Variants in ITGA9 observed in about 807,000 individuals in gnomAD.
The protein encoded by ITGA9 is integrin alpha-9.
In ITGA9, 56 loss-of-function variants were observed where a neutral mutation model predicts 127.8. The ratio of observed to expected loss-of-function variants is 0.44; its 90% confidence interval spans 0.35 to 0.55. The LOEUF (loss-of-function observed/expected upper bound fraction) is 0.55. Among genes scored for constraint, ITGA9 ranks in the 20% least tolerant of loss-of-function variants. The pLI, the probability that ITGA9 is intolerant of heterozygous loss-of-function variation, is 0.00. For missense variants in ITGA9, 1,196 were observed against 1,347.1 expected, an observed-to-expected ratio of 0.89 and a Z score of 1.76; for synonymous variants, 508 against 514.5, an observed-to-expected ratio of 0.99 and a Z score of 0.17.
intron 16 of ITGA9, among the ~76,000 whole-genome samples, chr3:37,652,878 T>C (rs1700442698): frequency 6.6e-6 from 1 of 152,054 alleles, no homozygotes; most frequent in African/African-American, 2.4e-5. Context: ...GTCAGAGAGG[T>C]TGAGACAGAT....
intron 18 of ITGA9, among the ~76,000 whole-genome samples, chr3:37,692,628 A>AT (rs896639018): frequency 2.5e-4 from 37 of 150,080 alleles, no homozygotes; most frequent in Middle Eastern, 3.4e-3. Context: ...ATGCTTGTTG[A>AT]TTTTTTTTTT....
chr3:37,482,930 T>C (rs1290281495), intron 4 of ITGA9, among the ~76,000 whole-genome samples: 1 of 152,146 alleles, frequency 6.6e-6, no homozygotes, highest in Non-Finnish European at 1.5e-5. Flanking sequence ...TAGAGGATGA[T>C]ATAATCAATC....
rs530847422 is a variant in ITGA9, at chr3:37,739,746, G to A, written c.2235-1984G>A. Among the ~76,000 whole-genome samples, 4 of 152,248 alleles carry A rather than the reference G, an allele frequency of 2.6e-5. No individual in the cohort carries two copies. In the East Asian group the frequency reaches 5.8e-4, roughly 22 times the overall value. ...TTAGCTCATTCTGGAGCAGTCACAC[G>A]ATGACAGATGAGACGGTTGGGCCTG... On this transcript the variant is annotated intron_variant, in intron 20 of 27. Transcript: ENST00000264741.
At chr3:37,686,824 C>G (rs1229541385) in intron 18 of ITGA9, among the ~76,000 whole-genome samples, 1 of 152,096 alleles carries the variant, frequency 6.6e-6, no homozygotes. Flanking sequence ...GAAACAGAAA[C>G]TACCCTTCCA....
intron 15 of ITGA9, among the ~76,000 whole-genome samples, chr3:37,624,199 CCT>C (rs1491114485): frequency 4.2e-5 from 4 of 94,206 alleles, no homozygotes; most frequent in Non-Finnish European, 8.3e-5. Flanking sequence ...GAAAAAAAAC[CCT>C]TTTTTTTTTT....
chr3:37,719,899 A>C lies in ITGA9; in HGVS notation c.2068-12813A>C, dbSNP rs184448242. On this transcript the variant is annotated intron_variant, in intron 18 of 27. Coordinates refer to ENST00000264741, the MANE Select transcript of ITGA9 (RefSeq NM_002207.3). ...TTCAGTTCCAGAAAAGTGTATACTC[A>C]CACAGGAAATATCTCTCAAATAACA... is the stretch of plus-strand genomic sequence containing the variant. Among the ~76,000 whole-genome samples, 724 of 152,292 alleles carry C rather than the reference A, an allele frequency of 4.8e-3. 9 individuals carry two copies. The highest frequency in any genetic ancestry group is 0.029 in the South Asian group (142 of 4,822).
intron 18 of ITGA9, among the ~76,000 whole-genome samples, chr3:37,688,614 G>T (rs1014625715): frequency 1.3e-5 from 2 of 152,030 alleles, no homozygotes; most frequent in Admixed American, 6.5e-5. Flanking sequence ...TTTCTCCCCA[G>T]ACCCCTGGCT....
chr3:37,621,155 T>C (rs1700124591), intron 15 of ITGA9, among the ~76,000 whole-genome samples: 1 of 151,752 alleles, frequency 6.6e-6, no homozygotes, highest in South Asian at 2.1e-4. Context: ...AAGGGGAAAC[T>C]CCTTTCACTT....
intron 1 of ITGA9, among the ~76,000 whole-genome samples, chr3:37,463,821 A>G (rs760026436): frequency 6.6e-6 from 1 of 152,204 alleles, no homozygotes; most frequent in Non-Finnish European, 1.5e-5. Context: ...ATTCCTGCCC[A>G]GCGCACCAGA....
chr3:37,698,358 A>T (rs1406140707), intron 18 of ITGA9, among the ~76,000 whole-genome samples: 2 of 152,136 alleles, frequency 1.3e-5, no homozygotes, highest in African/African-American at 4.8e-5. Flanking sequence ...CCATTTGTCA[A>T]TTTTGGCTTT....
chr3:37,560,991 G>A (rs1037233543), intron 15 of ITGA9, among the ~76,000 whole-genome samples: 13 of 152,064 alleles, frequency 8.5e-5, no homozygotes, highest in Non-Finnish European at 1.9e-4. Context: ...TGGGGTTTCT[G>A]TGTGTCCACA....
chr3:37,817,695 G>A (rs986209242), intron 27 of ITGA9, among the ~76,000 whole-genome samples: 3 of 152,162 alleles, frequency 2.0e-5, no homozygotes, highest in African/African-American at 4.8e-5. Flanking sequence ...GAGAGATGCC[G>A]AGTCTCTCAG....
chr3:37,673,163 C>T (rs535072164), intron 17 of ITGA9, among the ~76,000 whole-genome samples: 3 of 152,272 alleles, frequency 2.0e-5, no homozygotes, highest in South Asian at 4.2e-4. Flanking sequence ...AGAGAAATCT[C>T]GGAGCTTTCA....
Position 37,505,379 on chromosome 3 carries a change from A to G in ITGA9, c.743-621A>G, listed in dbSNP as rs9857042. Among the ~76,000 whole-genome samples the G allele has an allele frequency of 5.4e-3, 825 of 152,366 alleles. 6 individuals carry two copies. The highest frequency in any genetic ancestry group is 0.019 in the African/African-American group (786 of 41,580). The stretch of plus-strand genomic sequence containing the variant: ...CAGCCTGGAAACAACCTAAATGCCC[A>G]GCAACAGAATAAACATATGACATAT... On this transcript the variant is annotated intron_variant, in intron 6 of 27. Transcript: ENST00000264741.
intron 3 of ITGA9, among the ~76,000 whole-genome samples, chr3:37,475,608 T>C (rs990421962): frequency 1.3e-5 from 2 of 152,238 alleles, no homozygotes; most frequent in African/African-American, 4.8e-5. Context: ...ATTTTTTTAA[T>C]GTTTTATGAA....
chr3:37,513,172 G>A (rs547015323), intron 8 of ITGA9, among the ~76,000 whole-genome samples: 13 of 152,276 alleles, frequency 8.5e-5, no homozygotes, highest in African/African-American at 2.6e-4. Flanking sequence ...GATATAAGGA[G>A]CATTTTTATT....
At chr3:37,503,689 A>C (rs2125570451) in intron 6 of ITGA9, among the ~76,000 whole-genome samples, 1 of 152,322 alleles carries the variant, frequency 6.6e-6, no homozygotes, top group African/African-American at 2.4e-5. Context: ...TGATCACAAA[A>C]CTGGTAGCAA....
At chr3:37,555,892 A>G (rs1415559787) in intron 15 of ITGA9, among the ~76,000 whole-genome samples, 3 of 152,222 alleles carry the variant, frequency 2.0e-5, no homozygotes, top group Non-Finnish European at 4.4e-5. Context: ...CTTGGATGTG[A>G]TGTTTTCTGT....
intron 15 of ITGA9, 89 bp downstream of exon 15, chr3:37,542,674 T>C: frequency 7.3e-7 from 1 of 1,369,846 alleles, no homozygotes; most frequent in Non-Finnish European, 1.0e-6. Flanking sequence ...TTATGTATTA[T>C]GTGTGCTCTT....
Sources: gnomAD v4.1 joint callset for allele counts (sites outside exome capture counted in the v4.1 genomes callset) on GRCh38, gnomAD v4.1.1 for gene constraint, MANE v1.5 for transcripts, NCBI Gene and HGNC (gene_info 2026-07-23, HGNC 2026-07-21) for gene names.